The following SLC16A5 variants were observed in gnomAD, a reference collection of about 807,000 sequenced individuals.
The protein encoded by SLC16A5 is monocarboxylate transporter 6.
In SLC16A5, 29 loss-of-function variants were observed where a neutral mutation model predicts 33.2. The ratio of observed to expected loss-of-function variants is 0.87; its 90% CI spans 0.65 to 1.19. The LOEUF (loss-of-function observed/expected upper bound fraction) is 1.19. SLC16A5 is among the 50% of genes most tolerant of loss of function. The pLI is 0.00. For missense variants in SLC16A5, 606 were observed against 678.2 expected (o/e 0.89, Z 1.18); for synonymous variants, 248 against 284.1 (o/e 0.87, Z 1.28).
downstream of SLC16A5, among the ~76,000 whole-genome samples, chr17:75,109,760 A>T (rs1185773735): frequency 6.6e-6 from 1 of 152,250 alleles, no homozygotes; most frequent in Non-Finnish European, 1.5e-5. This position sits in a 1 kb window ranked among gnomAD's most constrained non-coding sequence, Gnocchi z 5.0. Flanking sequence ...GCATCTGGAC[A>T]TGGGATACGG....
downstream of SLC16A5, among the ~76,000 whole-genome samples, chr17:75,108,276 C>G (rs2145098582): frequency 6.6e-6 from 1 of 152,296 alleles, no homozygotes; most frequent in South Asian, 2.1e-4. Flanking sequence ...ATTTGCTGCT[C>G]TGTCCAGCAA....
chr17:75,107,481 C>G (rs1358034212), downstream of SLC16A5, among the ~76,000 whole-genome samples: 2 of 152,162 alleles, frequency 1.3e-5, no homozygotes, highest in African/African-American at 4.8e-5. Context: ...AATTCCACCC[C>G]AAGGAGGGCC....
At chr17:75,102,117 A>AT (rs1378464598) in intron 5 of SLC16A5, among the ~76,000 whole-genome samples, 5 of 152,158 alleles carry the variant, frequency 3.3e-5, no homozygotes, top group African/African-American at 9.7e-5. Flanking sequence ...CCACAGTGCC[A>AT]TCTGCAAAAT....
At chr17:75,104,220 G>T in intron 6 of SLC16A5, 40 bp downstream of exon 6, 2 of 1,604,542 alleles carry the variant, frequency 1.2e-6, no homozygotes, top group South Asian at 2.2e-5. Flanking sequence ...TCATCTGTGT[G>T]ACCAGTGTCT....
At chr17:75,105,219 G>T in intron 6 of SLC16A5, 3 of 985,438 alleles carry the variant, frequency 3.0e-6, no homozygotes, top group Non-Finnish European at 3.6e-6. Flanking sequence ...TAGAATCGGT[G>T]AAGTCTGAGG....
intron 3 of SLC16A5, among the ~76,000 whole-genome samples, chr17:75,094,600 C>T (rs765140258): frequency 9.4e-4 from 142 of 151,414 alleles, no homozygotes; most frequent in Admixed American, 1.8e-3. Context: ...GCAGGAGAAT[C>T]TCTTGAACCC....
rs201628394 is a variant in SLC16A5, at chr17:75,097,689, G to T, written c.200-349G>T. Among the ~76,000 whole-genome samples the T allele has an allele frequency of 1.4e-4, 22 of 152,288 alleles. No homozygotes were observed. In the East Asian group the frequency reaches 3.3e-3, roughly 23 times the overall value. On this transcript the variant is annotated intron_variant, in intron 3 of 6. Transcript: ENST00000329783. The stretch of plus-strand genomic sequence containing the variant: ...CCCACCAACAGACCCCCAGCGAAGT[G>T]GGGGAGGTAAACTCATGAACCAATC...
intron 2 of SLC16A5, among the ~76,000 whole-genome samples, chr17:75,092,968 G>A (rs935021518): frequency 1.3e-5 from 2 of 152,012 alleles, no homozygotes; most frequent in African/African-American, 2.4e-5. Flanking sequence ...CTGGGGGTGT[G>A]GGGGTGGATG....
rs753523434 is a variant in SLC16A5, at chr17:75,104,180, T to C, written c.1364T>C (p.Met455Thr). ...GGGAAGCAACGGTCCCCTGAGATCA[T>C]GTATGTAACCAGCGTCTAAGACCCA... ...GPGKQRSPEI[M>T]CQSSRQPRPA... Residue 455 changes from methionine (M) to threonine (T), a missense_variant and splice_region_variant, in exon 6 of 7, where the codon ATG becomes ACG. Met to Thr is a moderately conservative substitution (Grantham distance 81, BLOSUM62 -1). Coordinates refer to ENST00000329783, the MANE Select transcript of SLC16A5 (RefSeq NM_004695.4). 4 of 1,613,898 alleles carry C rather than the reference T, an allele frequency of 2.5e-6. No homozygotes were observed. In the South Asian group the frequency reaches 3.3e-5, roughly 13 times the overall value.
intron 3 of SLC16A5, among the ~76,000 whole-genome samples, chr17:75,095,821 G>A (rs1036656819): frequency 1.3e-5 from 2 of 150,184 alleles, no homozygotes; most frequent in Non-Finnish European, 2.9e-5. Context: ...CACCATGCCT[G>A]GCTAATTTTT....
intron 1 of SLC16A5, among the ~76,000 whole-genome samples, chr17:75,088,727 GGAA>G (rs932604674): frequency 1.1e-4 from 16 of 152,284 alleles, no homozygotes; most frequent in East Asian, 3.9e-4. Flanking sequence ...AGAAGAGCTG[GGAA>G]GAAGAAGAGG....
intron 2 of SLC16A5, chr17:75,090,344 G>A (rs2073621088): frequency 6.6e-6 from 1 of 152,340 alleles, no homozygotes; most frequent in Non-Finnish European, 1.5e-5. Flanking sequence ...TATGTGACCT[G>A]GGACTTACTG....
At chr17:75,098,360 C>G (rs1281608284) in intron 4 of SLC16A5, among the ~76,000 whole-genome samples, 179 bp downstream of exon 4, 1 of 151,648 alleles carries the variant, frequency 6.6e-6, no homozygotes, top group South Asian at 2.1e-4. Flanking sequence ...GTCAGGGGTT[C>G]GAGACTAGCC....
chr17:75,108,690 GA>G (rs2073882569), downstream of SLC16A5, among the ~76,000 whole-genome samples: 2 of 152,228 alleles, frequency 1.3e-5, no homozygotes. Flanking sequence ...GGTAAAGGAA[GA>G]CAGGCTTTAA....
At chr17:75,105,458 T>C (rs946524560) in intron 6 of SLC16A5, 1 of 985,344 alleles carries the variant, frequency 1.0e-6, no homozygotes, top group Non-Finnish European at 1.2e-6. Flanking sequence ...GCCCCCCTTT[T>C]CCCTGCCGTG....
At chr17:75,104,544 C>A in intron 6 of SLC16A5, 1 of 863,154 alleles carries the variant, frequency 1.2e-6, no homozygotes. Flanking sequence ...CTCTGCCCCC[C>A]AAGTTCAAGC....
chr17:75,089,474 G>T (rs2073609377), intron 2 of SLC16A5, among the ~76,000 whole-genome samples, 170 bp downstream of exon 2: 1 of 152,076 alleles, frequency 6.6e-6, no homozygotes, highest in Non-Finnish European at 1.5e-5. Flanking sequence ...GAGAAAACAG[G>T]CCAGGTGCGG....
chr17:75,097,960 C>A, intron 3 of SLC16A5, 78 bp from the exon 4 acceptor site: 1 of 1,486,404 alleles, frequency 6.7e-7, no homozygotes, highest in Non-Finnish European at 8.9e-7. Flanking sequence ...CCAGCTGGAA[C>A]TGCCCTCTCC....
chr17:75,108,088 G>A (rs1022201123), downstream of SLC16A5, among the ~76,000 whole-genome samples: 3 of 152,146 alleles, frequency 2.0e-5, no homozygotes, highest in Non-Finnish European at 2.9e-5. Flanking sequence ...GCGACAGAGC[G>A]AGACTCCATC....
Sources: allele counts gnomAD v4.1 joint callset (sites outside exome capture counted in the v4.1 genomes callset), GRCh38; gene constraint gnomAD v4.1.1; non-coding constraint Gnocchi (gnomAD v3.1); transcripts MANE v1.5; gene names NCBI Gene and HGNC (gene_info 2026-07-23, HGNC 2026-07-21).